SORBS2: variants seen among roughly 807,000 people sequenced by gnomAD.
The protein encoded by SORBS2 is sorbin and SH3 domain containing 2, also known as sorbin and SH3 domain-containing protein 2.
A neutral mutation model predicts 97.7 loss-of-function variants in SORBS2; 46 were observed. The ratio of observed to expected loss-of-function variants is 0.47; its 90% confidence interval spans 0.37 to 0.60. SORBS2 has a LOEUF of 0.60. Among genes scored for constraint, SORBS2 ranks in the 20% least tolerant of loss-of-function variants. The probability of loss-of-function intolerance (pLI) is 0.00; values close to 1 mark genes in which losing one functional copy is unlikely to be tolerated. For missense variants in SORBS2, 1,316 were observed against 1,282.3 expected, an observed-to-expected ratio of 1.03 and a Z score of -0.40; for synonymous variants, 476 against 473.4, an observed-to-expected ratio of 1.01 and a Z score of -0.07.
chr4:185,916,074 G>A (rs2099257999), intron 1 of SORBS2, among the ~76,000 whole-genome samples: 1 of 152,258 alleles, frequency 6.6e-6, no homozygotes, highest in South Asian at 2.1e-4. Context: ...GATCACAATA[G>A]GGTCAAGTGG....
exon 15 of SORBS2, chr4:185,587,604 T>C: frequency 6.2e-7 from 1 of 1,610,766 alleles, no homozygotes; most frequent in Admixed American, 1.7e-5. Flanking sequence ...GCAGGCGGCC[T>C]CTACAGAAGG....
chr4:185,825,540 C>T lies in SORBS2; in HGVS notation c.-337-50174G>A, dbSNP rs553718966. On this transcript the variant is annotated intron_variant, in intron 1 of 20. Transcript: ENST00000284776. ...TTATTTGGATCAGATTCCTGAAAGTCGATCAGAAGGAAATGGTGATGTTCC... is the reference window on the plus strand; with the variant it reads ...TTATTTGGATCAGATTCCTGAAAGTTGATCAGAAGGAAATGGTGATGTTCC... 6.6e-5 allele frequency among the ~76,000 whole-genome samples: 10 copies of T among 152,268 alleles called. No homozygotes were observed. The South Asian group carries it at 1.2e-3, about 19-fold the overall frequency.
At chr4:185,745,066 C>T (rs1318413583) in intron 2 of SORBS2, among the ~76,000 whole-genome samples, 1 of 152,194 alleles carries the variant, frequency 6.6e-6, no homozygotes, top group Non-Finnish European at 1.5e-5. Flanking sequence ...TGGACAGTAC[C>T]TGGCCGCTCT....
At chr4:185,722,384 T>A (rs762087569) in intron 2 of SORBS2, among the ~76,000 whole-genome samples, 36 of 152,256 alleles carry the variant, frequency 2.4e-4, no homozygotes, top group Admixed American at 3.3e-4. Context: ...ATTATTATCA[T>A]TCATGTGGGC....
chr4:185,807,609 T>C (rs931488367), intron 1 of SORBS2, among the ~76,000 whole-genome samples: 1 of 152,248 alleles, frequency 6.6e-6, no homozygotes, highest in Non-Finnish European at 1.5e-5. Flanking sequence ...AAATATCATC[T>C]TAATTGAACT....
At chr4:185,700,446 G>A (rs1220947314) in intron 2 of SORBS2, among the ~76,000 whole-genome samples, 1 of 152,088 alleles carries the variant, frequency 6.6e-6, no homozygotes, top group East Asian at 1.9e-4. Context: ...TTACTGACAT[G>A]TACTTGAGGT....
chr4:185,631,197 G>C (rs2096900880), intron 4 of SORBS2, among the ~76,000 whole-genome samples: 1 of 152,044 alleles, frequency 6.6e-6, no homozygotes, highest in Non-Finnish European at 1.5e-5. Context: ...ACTTCAATCA[G>C]GTAAATAGTT....
chr4:185,882,238 G>C (rs1423300676), intron 1 of SORBS2, among the ~76,000 whole-genome samples: 1 of 151,956 alleles, frequency 6.6e-6, no homozygotes, highest in Non-Finnish European at 1.5e-5. Flanking sequence ...CTAATGAGTG[G>C]GTCTAGAAGG....
intron 1 of SORBS2, among the ~76,000 whole-genome samples, chr4:185,849,111 C>T (rs975090310): frequency 2.0e-5 from 3 of 152,110 alleles, no homozygotes; most frequent in African/African-American, 4.8e-5. Context: ...ATAGCTGGCC[C>T]TTACTGAAAC....
At chr4:185,688,356 A>G (rs1055258788) in intron 2 of SORBS2, among the ~76,000 whole-genome samples, 1 of 152,144 alleles carries the variant, frequency 6.6e-6, no homozygotes, top group Non-Finnish European at 1.5e-5. Context: ...GGATAGATAT[A>G]TCTATCAATA....
chr4:185,929,533 T>G (rs2099265400), intron 1 of SORBS2, among the ~76,000 whole-genome samples: 2 of 149,588 alleles, frequency 1.3e-5, no homozygotes, highest in South Asian at 4.2e-4. Flanking sequence ...TTGTTGGGTT[T>G]TTTTTTTTTT....
chr4:185,798,093 T>C (rs1358778750), intron 1 of SORBS2, among the ~76,000 whole-genome samples: 1 of 152,158 alleles, frequency 6.6e-6, no homozygotes. Flanking sequence ...GTGCACGGTG[T>C]GTGCCTTTTA....
chr4:185,653,669 C>A (rs1005035161), intron 1 of SORBS2, among the ~76,000 whole-genome samples: 1 of 152,158 alleles, frequency 6.6e-6, no homozygotes, highest in Non-Finnish European at 1.5e-5. Flanking sequence ...TAAATAATAA[C>A]ACTAGGGAAC....
At chr4:185,939,787 G>A (rs2099270957) in intron 1 of SORBS2, among the ~76,000 whole-genome samples, 1 of 152,146 alleles carries the variant, frequency 6.6e-6, no homozygotes, top group Admixed American at 6.5e-5. Context: ...TGGGATTACA[G>A]GCATGAGCTA....
intron 1 of SORBS2, among the ~76,000 whole-genome samples, chr4:185,845,085 T>G (rs2099213792): frequency 6.6e-6 from 1 of 151,428 alleles, no homozygotes; most frequent in African/African-American, 2.4e-5. Flanking sequence ...TGATCATGAC[T>G]CACTGCAGCC....
intron 4 of SORBS2, among the ~76,000 whole-genome samples, chr4:185,673,646 C>T (rs948160631): frequency 1.3e-5 from 2 of 152,154 alleles, no homozygotes; most frequent in African/African-American, 4.8e-5. Context: ...TGGTTGCTAT[C>T]ATTGTCCCTG....
At chr4:185,895,430 A>C (rs2099244542) in intron 1 of SORBS2, among the ~76,000 whole-genome samples, 1 of 152,186 alleles carries the variant, frequency 6.6e-6, no homozygotes, top group Non-Finnish European at 1.5e-5. Context: ...TCCAGTGGGA[A>C]TGAATAAGCC....
chr4:185,636,504 T>TA (rs375744229), intron 4 of SORBS2, among the ~76,000 whole-genome samples: 2 of 152,286 alleles, frequency 1.3e-5, no homozygotes, highest in South Asian at 2.1e-4. Context: ...TCCTGATTTC[T>TA]AAAAAAACTA....
chr4:185,663,473 A>G (rs1034662345), intron 4 of SORBS2, among the ~76,000 whole-genome samples: 1 of 152,180 alleles, frequency 6.6e-6, no homozygotes, highest in Non-Finnish European at 1.5e-5. Flanking sequence ...TAATTCTCTA[A>G]GCTGTTAGAA....
Sources: allele counts gnomAD v4.1 joint callset (sites outside exome capture counted in the v4.1 genomes callset), GRCh38; gene constraint gnomAD v4.1.1; transcripts MANE v1.5; gene names NCBI Gene and HGNC (gene_info 2026-07-23, HGNC 2026-07-21).